P3H2: variants seen among roughly 807,000 people sequenced by gnomAD.
P3H2 encodes leprecan-like 1.
P3H2 carries 80 observed loss-of-function variants against 87.0 expected under a neutral mutation model. That is an observed-to-expected ratio of 0.92 (90% CI 0.77 to 1.11). P3H2 has a LOEUF of 1.11. Ranked by LOEUF, P3H2 falls within the 50% of genes least tolerant of loss-of-function variation. The pLI, the probability that P3H2 is intolerant of heterozygous loss-of-function variation, is 0.00. For missense variants in P3H2, 1,001 were observed against 923.9 expected, an observed-to-expected ratio of 1.08 and a Z score of -1.08; for synonymous variants, 367 against 359.3, an observed-to-expected ratio of 1.02 and a Z score of -0.24.
Position 190,082,868 on chromosome 3 carries a change from C to G in P3H2, c.480+37384G>C, listed in dbSNP as rs115977818. ...ACCTTGTGTTTACCATTAATATGAA[C>G]AGTAAAAGAAAATGAAGAATCACTT... On this transcript the variant is annotated intron_variant, in intron 1 of 14. Coordinates refer to ENST00000319332, the MANE Select transcript of P3H2 (RefSeq NM_018192.4). 3.0e-3 allele frequency among the ~76,000 whole-genome samples: 463 copies of G among 151,874 alleles called. 6 individuals carry two copies. The highest frequency in any genetic ancestry group is 0.011 in the African/African-American group (439 of 41,402).
chr3:190,056,386 G>A (rs1452556921), intron 1 of P3H2, among the ~76,000 whole-genome samples: 2 of 152,122 alleles, frequency 1.3e-5, no homozygotes, highest in Non-Finnish European at 2.9e-5. Context: ...CCTTCATTTG[G>A]TTCACCGCTA....
intron 1 of P3H2, among the ~76,000 whole-genome samples, chr3:190,092,869 A>G (rs1008826767): frequency 6.6e-6 from 1 of 152,176 alleles, no homozygotes; most frequent in Middle Eastern, 3.2e-3. Context: ...ACCACAATCC[A>G]TCAATCACCC....
At chr3:190,060,472 T>C in intron 1 of P3H2, among the ~76,000 whole-genome samples, 1 of 152,182 alleles carries the variant, frequency 6.6e-6, no homozygotes, top group South Asian at 2.1e-4. Context: ...GAGAAAAATT[T>C]CCTGGATATT....
chr3:189,993,474 T>A (rs111843305), intron 3 of P3H2, among the ~76,000 whole-genome samples: 1 of 152,310 alleles, frequency 6.6e-6, no homozygotes, highest in African/African-American at 2.4e-5. Flanking sequence ...CCCCACTTTC[T>A]CCTCATAAGT....
chr3:190,045,948 C>CT (rs1304950396), intron 1 of P3H2, among the ~76,000 whole-genome samples: 3 of 151,942 alleles, frequency 2.0e-5, no homozygotes, highest in Admixed American at 2.0e-4. Context: ...GGTGAAACCC[C>CT]GTCTCTAAAA....
At position 189,957,918 on chromosome 3, in the gene P3H2, C is replaced by T. The variant is rs1439509259; in HGVS notation, c.2121G>A (p.Glu707=). The T allele has an allele frequency of 6.3e-7, 1 of 1,594,830 alleles. No individual in the cohort carries two copies. Among genetic ancestry groups the T allele is most frequent in the Admixed American group, 1.7e-5 (1 of 60,000 alleles). Residue 707 remains glutamate, a synonymous_variant, in exon 15 of 15, where the codon GAG becomes GAA. Transcript: ENST00000319332. ...AGAACATTCTTTCTCATTTTTATAG[C>T]TCATCTTTAGGGTTGATATTCAGTT... ...KHELNINPKD[E]L is the part of the protein sequence containing the mutation.
chr3:190,107,857 C>T (rs1035804114), intron 1 of P3H2, among the ~76,000 whole-genome samples: 1 of 152,090 alleles, frequency 6.6e-6, no homozygotes, highest in Non-Finnish European at 1.5e-5. Flanking sequence ...CTTAAAACTG[C>T]CTGTACTATT....
At position 190,009,427 on chromosome 3, in the gene P3H2, C is replaced by G. The variant is rs149845810; in HGVS notation, c.481-13985G>C. ...ATTAGATCAATCTTACTGAGCAATG[C>G]GTGGCAGTATACCCTACTCCTTCCA... On this transcript the variant is annotated intron_variant, in intron 1 of 14. Transcript: ENST00000319332. Among the ~76,000 whole-genome samples, 199 of 152,186 alleles carry G rather than the reference C, an allele frequency of 1.3e-3. 1 individual carries two copies. Among genetic ancestry groups the G allele is most frequent in the Non-Finnish European group, 2.5e-3 (167 of 68,018 alleles).
chr3:189,974,991 G>C (rs1421059407), intron 8 of P3H2, among the ~76,000 whole-genome samples: 1 of 152,102 alleles, frequency 6.6e-6, no homozygotes, highest in Admixed American at 6.5e-5. Flanking sequence ...GCATCTCATA[G>C]GACTCTCTTC....
chr3:190,109,866 T>G (rs1712003143), intron 1 of P3H2, among the ~76,000 whole-genome samples: 1 of 110,660 alleles, frequency 9.0e-6, no homozygotes, highest in Non-Finnish European at 1.8e-5. Context: ...TTTTTTTTTT[T>G]GACACAGGGT....
intron 1 of P3H2, among the ~76,000 whole-genome samples, chr3:190,077,507 G>A (rs1038919714): frequency 6.6e-6 from 1 of 152,262 alleles, no homozygotes; most frequent in South Asian, 2.1e-4. Flanking sequence ...AGAATGGCCT[G>A]AAATCTGTCC....
chr3:189,965,368 G>A (rs146269451), intron 13 of P3H2, among the ~76,000 whole-genome samples: 20 of 152,296 alleles, frequency 1.3e-4, no homozygotes, highest in African/African-American at 4.3e-4. Flanking sequence ...ATGTGGGCAT[G>A]TGTGTGTGTT....
intron 1 of P3H2, among the ~76,000 whole-genome samples, chr3:190,005,251 T>C (rs1439983178): frequency 1.3e-5 from 2 of 152,026 alleles, no homozygotes; most frequent in Non-Finnish European, 2.9e-5. Flanking sequence ...GCCTCAGACA[T>C]CAAATGCTTG....
intron 1 of P3H2, among the ~76,000 whole-genome samples, chr3:190,105,331 G>A (rs1287605428): frequency 6.6e-6 from 1 of 152,200 alleles, no homozygotes; most frequent in African/African-American, 2.4e-5. Flanking sequence ...GTGCCATAAA[G>A]ATCAGGAACA....
At chr3:190,016,743 C>G (rs1260600788) in intron 1 of P3H2, among the ~76,000 whole-genome samples, 1 of 152,212 alleles carries the variant, frequency 6.6e-6, no homozygotes, top group Non-Finnish European at 1.5e-5. Context: ...AAACCCCACT[C>G]TCTCCTCTGG....
chr3:189,963,834 A>G, intron 14 of P3H2, 124 bp downstream of exon 14: 3 of 907,036 alleles, frequency 3.3e-6, no homozygotes, highest in Admixed American at 3.4e-5. Context: ...TTACTAGAAC[A>G]TATCTGATTA....
At chr3:190,004,672 G>A (rs710572) in intron 1 of P3H2, among the ~76,000 whole-genome samples, 27,159 of 152,158 alleles carry the variant, frequency 0.18, 2,981 homozygotes, top group Non-Finnish European at 0.25. Context: ...GTGAGCCACC[G>A]CGCCTGGCCA....
At chr3:189,977,778 T>G (rs77764625) in intron 8 of P3H2, among the ~76,000 whole-genome samples, 4 of 151,582 alleles carry the variant, frequency 2.6e-5, no homozygotes, top group African/African-American at 7.3e-5. Flanking sequence ...TTTTTTTTTT[T>G]GTCAGGGTCT....
At position 189,988,894 on chromosome 3, in the gene P3H2, A is replaced by G; in HGVS notation, c.955+13T>C. On this transcript the variant is annotated intron_variant, in intron 4 of 14. Transcript: ENST00000319332. ...ACCCCCCAAGAAGTCTTCACGGATG[A>G]TCCACGCTTTACCTCGATAGTAGGC... 6.2e-7 allele frequency: 1 copy of G among 1,614,068 alleles called. No homozygotes were observed. Among genetic ancestry groups the G allele is most frequent in the Non-Finnish European group, 8.5e-7 (1 of 1,179,966 alleles).
Sources: allele counts gnomAD v4.1 joint callset (sites outside exome capture counted in the v4.1 genomes callset), GRCh38; gene constraint gnomAD v4.1.1; transcripts MANE v1.5; gene names NCBI Gene and HGNC (gene_info 2026-07-23, HGNC 2026-07-21).